Variants in PPP1R16A observed in about 807,000 individuals in gnomAD.
The protein encoded by PPP1R16A is protein phosphatase 1 regulatory subunit 16A, also known as myosin phosphatase-targeting subunit 3.
PPP1R16A carries 39 observed loss-of-function variants against 46.6 expected under a neutral mutation model. That is an observed-to-expected ratio of 0.84 (90% CI 0.65 to 1.09). The LOEUF is 1.09. Ranked by LOEUF, PPP1R16A falls within the 50% of genes least tolerant of loss-of-function variation. PPP1R16A has a pLI of 0.00. For missense variants in PPP1R16A, 798 were observed against 735.6 expected (o/e 1.08, Z -0.98); for synonymous variants, 413 against 321.5 (o/e 1.28, Z -3.04).
At chr8:144,486,299 C>T (rs1825625044) in intron 1 of PPP1R16A, among the ~76,000 whole-genome samples, 1 of 152,148 alleles carries the variant, frequency 6.6e-6, no homozygotes, top group African/African-American at 2.4e-5. Context: ...CTCCTGACCT[C>T]ATGTGATCCC....
At chr8:144,479,443 C>G (rs1269762863) in intron 1 of PPP1R16A, among the ~76,000 whole-genome samples, 1 of 152,166 alleles carries the variant, frequency 6.6e-6, no homozygotes, top group African/African-American at 2.4e-5. Flanking sequence ...GGCCATCCCT[C>G]GTGTCTCTGA....
intron 1 of PPP1R16A, among the ~76,000 whole-genome samples, chr8:144,487,596 C>T (rs1376382384): frequency 6.6e-6 from 1 of 152,204 alleles, no homozygotes; most frequent in Non-Finnish European, 1.5e-5. Flanking sequence ...CCTTGAATCC[C>T]TGGGCTCAAG....
chr8:144,479,697 C>CGTG (rs1825324123), intron 1 of PPP1R16A, among the ~76,000 whole-genome samples: 1 of 152,198 alleles, frequency 6.6e-6, no homozygotes, highest in Non-Finnish European at 1.5e-5. Context: ...GCACCCCCAG[C>CGTG]TCCACCCTTG....
chr8:144,500,774 G>A lies in PPP1R16A; in HGVS notation c.907+13G>A, dbSNP rs1871543. The A allele has an allele frequency of 6.2e-7, 1 of 1,609,996 alleles. No individual in the cohort carries two copies. Among genetic ancestry groups the A allele is most frequent in the African/African-American group, 1.3e-5 (1 of 74,898 alleles). ...GAGACGCCCCTTGGTGAGCTTGCGG[G>A]GCCCACCTCCACCTGGGGGAGAGGA... On this transcript the variant is annotated intron_variant, in intron 9 of 11. Coordinates refer to ENST00000435887, the MANE Select transcript of PPP1R16A (RefSeq NM_001329443.2).
intron 1 of PPP1R16A, 51 bp downstream of exon 1, chr8:144,478,178 G>T: frequency 2.5e-6 from 1 of 394,030 alleles, no homozygotes; most frequent in Non-Finnish European, 4.5e-6. Context: ...GAGGGAGAGG[G>T]GCCCCGGCCA....
chr8:144,486,104 A>G (rs1218276531), intron 1 of PPP1R16A, among the ~76,000 whole-genome samples: 1 of 152,178 alleles, frequency 6.6e-6, no homozygotes, highest in African/African-American at 2.4e-5. Flanking sequence ...GCTATTATGA[A>G]TAAAGTTGCC....
Position 144,501,462 on chromosome 8 carries a change from C to T in PPP1R16A, c.1204-58C>T, listed in dbSNP as rs1401306261. On this transcript the variant is annotated intron_variant, in intron 11 of 11. Coordinates refer to ENST00000435887, the MANE Select transcript of PPP1R16A (RefSeq NM_001329443.2). ...CCTTCATGACCATACAGCCTGAACCCAAGGCCAGGGAGGGGGGAGGAGCCT... is the reference window on the plus strand; with the variant it reads ...CCTTCATGACCATACAGCCTGAACCTAAGGCCAGGGAGGGGGGAGGAGCCT... The T allele has an allele frequency of 7.4e-6, 11 of 1,487,116 alleles. No individual in the cohort carries two copies. The Admixed American group carries it at 1.1e-4, about 15-fold the overall frequency. The allele number at this position is 1,487,116 out of a possible 1,614,324, so 92.1% of individuals were successfully genotyped here.
intron 2 of PPP1R16A, among the ~76,000 whole-genome samples, chr8:144,492,815 CTT>C (rs1361333677): frequency 6.6e-6 from 1 of 152,190 alleles, no homozygotes; most frequent in Non-Finnish European, 1.5e-5. Flanking sequence ...CCTTTCCTCT[CTT>C]TTCTTTCTTT....
At chr8:144,497,549 CA>C in intron 3 of PPP1R16A, 96 bp downstream of exon 3, 1 of 1,537,118 alleles carries the variant, frequency 6.5e-7, no homozygotes, top group Non-Finnish European at 8.9e-7. Context: ...TGGGCCTGTC[CA>C]CAGCTCCTGG....
intron 1 of PPP1R16A, among the ~76,000 whole-genome samples, chr8:144,482,871 C>G (rs954817621): frequency 1.3e-5 from 2 of 152,092 alleles, no homozygotes; most frequent in Non-Finnish European, 2.9e-5. Context: ...TGGTCTTGAG[C>G]TCCTGACCTC....
chr8:144,493,630 G>A lies in PPP1R16A; in HGVS notation c.-734-2831G>A, dbSNP rs1825908876. Among the ~76,000 whole-genome samples the A allele has an allele frequency of 6.6e-6, 1 of 152,148 alleles. No individual in the cohort carries two copies. The highest frequency in any genetic ancestry group is 1.5e-5 in the Non-Finnish European group (1 of 67,986). ...CGGCTGGCTGCTTCCTTCTGAGGGT[G>A]ATTCCTGGGCAGGGAGGCCAGAGGG... On this transcript the variant is annotated intron_variant, in intron 2 of 11. Coordinates refer to ENST00000435887, the MANE Select transcript of PPP1R16A (RefSeq NM_001329443.2). This position sits in a 1 kb window ranked among gnomAD's most constrained non-coding sequence, Gnocchi z 4.3.
At chr8:144,484,767 G>A (rs184949265) in intron 1 of PPP1R16A, among the ~76,000 whole-genome samples, 2 of 152,202 alleles carry the variant, frequency 1.3e-5, no homozygotes, top group African/African-American at 4.8e-5. Context: ...TGGTCCACGC[G>A]TATCTCCTGT....
intron 3 of PPP1R16A, 106 bp from the exon 4 acceptor site, chr8:144,498,664 C>T (rs1054308942): frequency 1.3e-4 from 149 of 1,142,732 alleles, no homozygotes; most frequent in Non-Finnish European, 1.7e-4. Context: ...CTCCTGCCAT[C>T]GGCACCACTG....
intron 1 of PPP1R16A, among the ~76,000 whole-genome samples, chr8:144,481,368 C>T (rs941648360): frequency 7.3e-5 from 11 of 151,642 alleles, no homozygotes; most frequent in Admixed American, 2.6e-4. Context: ...ATTGGCTGGG[C>T]GTGGGGGCTC....
chr8:144,483,389 C>T (rs958523078), intron 1 of PPP1R16A, among the ~76,000 whole-genome samples: 3 of 152,144 alleles, frequency 2.0e-5, no homozygotes, highest in African/African-American at 7.2e-5. Context: ...TTGTGTCGTT[C>T]TGTTTTCTTT....
intron 10 of PPP1R16A, 71 bp downstream of exon 10, chr8:144,501,042 G>A (rs774189700): frequency 2.0e-5 from 30 of 1,520,498 alleles, no homozygotes; most frequent in Non-Finnish European, 2.6e-5. Context: ...CGGAGTGCCA[G>A]CCGAACTGGG....
chr8:144,497,373 G>T lies in PPP1R16A; in HGVS notation c.179G>T (p.Ser60Ile). 6.2e-7 allele frequency: 1 copy of T among 1,613,018 alleles called. No homozygotes were observed. Among genetic ancestry groups the T allele is most frequent in the Non-Finnish European group, 8.5e-7 (1 of 1,180,012 alleles). Residue 60 changes from serine (S) to isoleucine (I), a missense_variant, in exon 3 of 12, where the codon AGC (serine) becomes ATC (isoleucine). By Grantham distance (142) the Ser-to-Ile change is moderately radical. Transcript: ENST00000435887. ...PGERPRKEAASQGLLKQVLFP... is the reference protein window; with the variant it reads ...PGERPRKEAAIQGLLKQVLFP... ...GAGCGTCCCCGGAAGGAGGCAGCCAGCCAAGGGCTCCTGAAGCAGGTCCTC... is the reference window on the plus strand; with the variant it reads ...GAGCGTCCCCGGAAGGAGGCAGCCATCCAAGGGCTCCTGAAGCAGGTCCTC...
intron 1 of PPP1R16A, among the ~76,000 whole-genome samples, chr8:144,483,077 C>T (rs1344710600): frequency 2.0e-5 from 3 of 152,204 alleles, no homozygotes; most frequent in Non-Finnish European, 4.4e-5. Context: ...CCACCGCGCC[C>T]GGCCCAACTT....
At position 144,490,124 on chromosome 8, in the gene PPP1R16A, A is replaced by T. The variant is rs1221255876; in HGVS notation, c.-823A>T. 6.6e-6 allele frequency: 1 copy of T among 152,332 alleles called. No homozygotes were observed. The highest frequency in any genetic ancestry group is 1.5e-5 in the Non-Finnish European group (1 of 68,094). The allele number at this position is 152,332 out of a possible 1,614,324, so 9.4% of individuals were successfully genotyped here. A position where few individuals can be genotyped will look rare whatever the true frequency, so the allele number is the denominator to read the frequency against. On this transcript the variant is annotated 5_prime_UTR_variant, in exon 2 of 12. Coordinates refer to ENST00000435887, the MANE Select transcript of PPP1R16A (RefSeq NM_001329443.2). The stretch of plus-strand genomic sequence containing the variant: ...CGTCTAGTGGAAGACACTGGCCGGG[A>T]CACAGAGCCCACGTGTGGACACCGC...
Sources: allele counts gnomAD v4.1 joint callset (sites outside exome capture counted in the v4.1 genomes callset), GRCh38; gene constraint gnomAD v4.1.1; non-coding constraint Gnocchi (gnomAD v3.1); transcripts MANE v1.5; gene names NCBI Gene and HGNC (gene_info 2026-07-23, HGNC 2026-07-21).